The following UNK variants were observed in gnomAD, a reference collection of about 807,000 sequenced individuals.
UNK encodes the protein RING finger protein unkempt homolog.
Under a neutral mutation model 97.6 loss-of-function variants are expected in UNK, and 32 were observed. That is an observed-to-expected ratio of 0.33 (90% CI 0.25 to 0.44). The LOEUF is 0.44. Among genes scored for constraint, UNK ranks in the 20% least tolerant of loss-of-function variants. The pLI is 1.00. For missense variants in UNK, 771 were observed against 1,098.4 expected, an observed-to-expected ratio of 0.70 and a Z score of 4.21; for synonymous variants, 441 against 461.2, an observed-to-expected ratio of 0.96 and a Z score of 0.56.
intron 1 of UNK, among the ~76,000 whole-genome samples, chr17:75,798,730 G>T (rs755601191): frequency 2.6e-5 from 4 of 152,082 alleles, no homozygotes; most frequent in Admixed American, 6.5e-5. Flanking sequence ...TAGTGGCTGT[G>T]CATGGTGGCT....
chr17:75,787,522 T>C (rs74583300), intron 1 of UNK, among the ~76,000 whole-genome samples: 2 of 149,506 alleles, frequency 1.3e-5, no homozygotes, highest in South Asian at 2.1e-4. Context: ...TTTTTTTTTT[T>C]CCTCTTCTTA....
chr17:75,802,955 TCTCTACTAAAAATACAAAAATTACA>T (rs2061875158), intron 1 of UNK, among the ~76,000 whole-genome samples: 1 of 133,788 alleles, frequency 7.5e-6, no homozygotes, highest in African/African-American at 3.2e-5. Context: ...TGAAACCTCG[TCTCTACTAAAAATACAAAAATTACA>T]GGCCGGACGC....
At chr17:75,811,839 T>C (rs2061971986) in intron 2 of UNK, among the ~76,000 whole-genome samples, 1 of 152,052 alleles carries the variant, frequency 6.6e-6, no homozygotes, top group Non-Finnish European at 1.5e-5. Flanking sequence ...ATACAAAAAT[T>C]AGCTGGGCAT....
rs374255941 is a variant in UNK at position 75,817,371 on chromosome 17, G to A, written c.1150G>A (p.Gly384Ser). The change falls in exon 9 of 16, where the codon GGC becomes AGC. Residue 384 changes from glycine to serine, a missense_variant. Physicochemically the swap from Gly to Ser is moderately conservative, Grantham distance 56. Coordinates refer to ENST00000589666, the MANE Select transcript of UNK (RefSeq NM_001080419.3). This position sits in a 1 kb window ranked among gnomAD's most constrained non-coding sequence, Gnocchi z 5.8. ...SSLGSPSNLC[G>S]SPPGSIRKPP... ...CCTAGGCAGCCCGTCTAACCTCTGC[G>A]GCTCCCCACCGGGCTCCATCAGGAA... is the stretch of plus-strand genomic sequence containing the variant. The A allele has an allele frequency of 8.7e-6, 14 of 1,609,290 alleles. No homozygotes were observed. Among genetic ancestry groups the A allele is most frequent in the Non-Finnish European group, 1.1e-5 (13 of 1,177,342 alleles).
Position 75,818,200 on chromosome 17 carries a change from T to C in UNK, c.1371+32T>C, listed in dbSNP as rs765159106. Reference sequence around the variant, plus strand: ...AGCTCTCAGCCCCCTTCCTCCCCTCTGCTGTGGACAGGAGTGGCCCAGAAC... The same window carrying C: ...AGCTCTCAGCCCCCTTCCTCCCCTCCGCTGTGGACAGGAGTGGCCCAGAAC... On this transcript the variant is annotated intron_variant, in intron 10 of 15. Transcript: ENST00000589666. The surrounding 1 kb of genome is among the most constrained non-coding windows in gnomAD (Gnocchi z 5.1). 6.8e-6 allele frequency: 11 copies of C among 1,611,848 alleles called. No individual in the cohort carries two copies. In the Admixed American group the frequency reaches 1.8e-4, roughly 27 times the overall value.
Position 75,812,239 on chromosome 17 carries a change from G to A in UNK, c.442G>A (p.Ala148Thr), listed in dbSNP as rs780585640. The change falls in exon 3 of 16, where the codon GCT becomes ACT. Residue 148 changes from alanine (A) to threonine (T), a missense_variant. By Grantham distance (58) the Ala-to-Thr change is moderately conservative. This residue lies in a region of UNK where 246 missense variants were observed against 440.7 expected (regional missense o/e 0.56). Coordinates refer to ENST00000589666, the MANE Select transcript of UNK (RefSeq NM_001080419.3). ...GNCTKNGLHC[A>T]FAHGPHDLRS... ...CTGCACCAAAAACGGCCTGCACTGCGCTTTTGCCCACGGGCCCCATGACCT... is the reference window on the plus strand; with the variant it reads ...CTGCACCAAAAACGGCCTGCACTGCACTTTTGCCCACGGGCCCCATGACCT... 1.9e-6 allele frequency: 3 copies of A among 1,613,814 alleles called. No homozygotes were observed. Among genetic ancestry groups the A allele is most frequent in the South Asian group, 1.1e-5 (1 of 91,092 alleles).
chr17:75,824,361 G>A lies in UNK; in HGVS notation c.2377G>A (p.Glu793Lys). The change falls in exon 16 of 16, where the codon GAG (glutamate) becomes AAG (lysine). Residue 793 changes from glutamate to lysine, a missense_variant. Physicochemically the swap from Glu to Lys is moderately conservative, Grantham distance 56. Transcript: ENST00000589666. This position sits in a 1 kb window ranked among gnomAD's most constrained non-coding sequence, Gnocchi z 4.9. ...CGCTGCGCTGTGTGAGCTCTGCGCT[G>A]AGGGCAGCGAGTGCCCCATCTGCCA... The part of the protein sequence containing the change: ...QHAALCELCA[E>K]GSECPICQPG... 2 of 1,583,234 alleles carry A rather than the reference G, an allele frequency of 1.3e-6. No homozygotes were observed.
rs1250285296 is a variant in UNK at position 75,812,435 on chromosome 17, G to C, written c.492-20G>C. The C allele has an allele frequency of 2.5e-6, 4 of 1,607,646 alleles. No individual in the cohort carries two copies. Among genetic ancestry groups the C allele is most frequent in the Non-Finnish European group, 3.4e-6 (4 of 1,177,196 alleles). ...CTCATGCCCCCTCTCCACCCTCTCTGTTCTTTCCTCTCCTCCCAGGGAGCT... is the reference window on the plus strand; with the variant it reads ...CTCATGCCCCCTCTCCACCCTCTCTCTTCTTTCCTCTCCTCCCAGGGAGCT... On this transcript the variant is annotated intron_variant, in intron 3 of 15. Transcript: ENST00000589666.
chr17:75,784,809 C>A lies in UNK; in HGVS notation c.-72C>A, dbSNP rs750086344. On this transcript the variant is annotated 5_prime_UTR_variant, in exon 1 of 16. In the 5' UTR this introduces an upstream ATG that the reference lacks. Coordinates refer to ENST00000589666, the MANE Select transcript of UNK (RefSeq NM_001080419.3). ...GTTCTCGTGGCGCGGCGCAGGCGCACTGGGTCCTCGGCGCGGACCGCGCAG... is the reference window on the plus strand; with the variant it reads ...GTTCTCGTGGCGCGGCGCAGGCGCAATGGGTCCTCGGCGCGGACCGCGCAG... 1.3e-6 allele frequency: 2 copies of A among 1,484,312 alleles called. No homozygotes were observed. Among genetic ancestry groups the A allele is most frequent in the South Asian group, 1.1e-5 (1 of 88,350 alleles). The allele number at this position is 1,484,312 out of a possible 1,614,324, so 91.9% of individuals were successfully genotyped here.
At chr17:75,810,033 G>T in intron 2 of UNK, 64 bp downstream of exon 2, 1 of 1,584,252 alleles carries the variant, frequency 6.3e-7, no homozygotes, top group Non-Finnish European at 8.6e-7. Context: ...TGCCCTCAGG[G>T]TAGGCTGGGC....
chr17:75,793,886 C>T, intron 1 of UNK: 2 of 985,326 alleles, frequency 2.0e-6, no homozygotes, highest in Non-Finnish European at 2.4e-6. Flanking sequence ...TGATAAAAAC[C>T]TTTAGCATGG....
Position 75,813,322 on chromosome 17 carries a change from G to C in UNK, c.758+109G>C. On this transcript the variant is annotated intron_variant, in intron 5 of 15. Coordinates refer to ENST00000589666, the MANE Select transcript of UNK (RefSeq NM_001080419.3). ...GGGAGGAGGGGAGGCTGGTCCTGGG[G>C]ATGACAGGATCGCAAGCCCAGGGCC... 7 of 1,414,022 alleles carry C rather than the reference G, an allele frequency of 5.0e-6. No individual in the cohort carries two copies. In the South Asian group the frequency reaches 7.2e-5, roughly 14 times the overall value. 87.6% of individuals were successfully genotyped at this position (1,414,022 alleles called of 1,614,324 possible).
rs1431383759 is a variant in UNK, at chr17:75,824,535, T to A, written c.*118T>A. On this transcript the variant is annotated 3_prime_UTR_variant, in exon 16 of 16. Coordinates refer to ENST00000589666, the MANE Select transcript of UNK (RefSeq NM_001080419.3). The surrounding 1 kb of genome is among the most constrained non-coding windows in gnomAD (Gnocchi z 4.9). ...GTATGTATGTATATGTATATGATTA[T>A]GTATATGTATACATTTCCGTATGTA... 1 of 776,680 alleles carries A rather than the reference T, an allele frequency of 1.3e-6. No individual in the cohort carries two copies. The highest frequency in any genetic ancestry group is 4.2e-5 in the East Asian group (1 of 23,728). The allele number at this position is 776,680 out of a possible 1,614,324, so 48.1% of individuals were successfully genotyped here.
chr17:75,811,601 C>T (rs1304406074), intron 2 of UNK, among the ~76,000 whole-genome samples: 2 of 152,254 alleles, frequency 1.3e-5, no homozygotes, highest in African/African-American at 4.8e-5. Flanking sequence ...ATTTAGGCTG[C>T]AGGCAGCAGC....
chr17:75,806,580 T>C (rs2061920192), intron 1 of UNK, among the ~76,000 whole-genome samples: 1 of 152,022 alleles, frequency 6.6e-6, no homozygotes, highest in South Asian at 2.1e-4. Flanking sequence ...GAGACCAGCC[T>C]GGCCAACATG....
chr17:75,805,979 G>C (rs1264721994), intron 1 of UNK, among the ~76,000 whole-genome samples: 3 of 151,994 alleles, frequency 2.0e-5, no homozygotes, highest in African/African-American at 7.3e-5. Context: ...GGGCGTGGTG[G>C]CTCACGCCTG....
intron 14 of UNK, 106 bp from the exon 15 acceptor site, chr17:75,823,159 G>A (rs2062084483): frequency 6.7e-7 from 1 of 1,486,652 alleles, no homozygotes; most frequent in Admixed American, 2.4e-5. Context: ...AGCCAACCCA[G>A]CTTCCCACCA....
In UNK at chr17:75,793,212, G is replaced by T. The variant is rs191702144; in HGVS notation, c.104+8228G>T. ...GAATCATGTCTACTTCCTGGGGTGG[G>T]TGGGAGGTGGAAGAGAAGTTTGCTG... On this transcript the variant is annotated intron_variant, in intron 1 of 15. Transcript: ENST00000589666. 1.6e-4 allele frequency among the ~76,000 whole-genome samples: 24 copies of T among 152,244 alleles called. 1 individual carries two copies. In the South Asian group the frequency reaches 3.9e-3, roughly 25 times the overall value.
chr17:75,789,938 C>T (rs1264636750), intron 1 of UNK, among the ~76,000 whole-genome samples: 1 of 151,758 alleles, frequency 6.6e-6, no homozygotes, highest in African/African-American at 2.4e-5. Context: ...GTCAGGAGTT[C>T]GAGACCAGCC....
Sources: gnomAD v4.1 joint callset for allele counts (sites outside exome capture counted in the v4.1 genomes callset) on GRCh38, gnomAD v4.1.1 for gene constraint, gnomAD v4.1.1 regional missense constraint, Gnocchi (gnomAD v3.1) non-coding constraint, MANE v1.5 for transcripts, NCBI Gene and HGNC (gene_info 2026-07-23, HGNC 2026-07-21) for gene names.